GPATCH2L: variants seen among roughly 807,000 people sequenced by gnomAD.
GPATCH2L encodes the protein G-patch domain containing 2 like, also known as G patch domain-containing protein 2-like.
GPATCH2L carries 31 observed loss-of-function variants against 57.4 expected under a neutral mutation model. That is an observed-to-expected ratio of 0.54 (90% confidence interval 0.41 to 0.73). GPATCH2L has a LOEUF of 0.73. Ranked by LOEUF, GPATCH2L falls within the 30% of genes least tolerant of loss-of-function variation. The pLI, the probability that GPATCH2L is intolerant of heterozygous loss-of-function variation, is 0.00. For missense variants in GPATCH2L, 481 were observed against 599.9 expected, an observed-to-expected ratio of 0.80 and a Z score of 2.07; for synonymous variants, 199 against 210.7, an observed-to-expected ratio of 0.94 and a Z score of 0.48.
intron 8 of GPATCH2L, among the ~76,000 whole-genome samples, chr14:76,193,307 G>C (rs965540961): frequency 1.3e-5 from 2 of 151,754 alleles, no homozygotes; most frequent in African/African-American, 4.8e-5. Flanking sequence ...TGATAATATG[G>C]GCCTTTTCCC....
rs1404750895 is a variant in GPATCH2L, at chr14:76,207,637, G to C, written c.*5786G>C. 1 of 152,114 alleles carries C rather than the reference G, an allele frequency of 6.6e-6. No individual in the cohort carries two copies. Among genetic ancestry groups the C allele is most frequent in the African/African-American group, 2.4e-5 (1 of 41,420 alleles). 9.4% of individuals were successfully genotyped at this position (152,114 alleles called of 1,614,324 possible). On this transcript the variant is annotated 3_prime_UTR_variant, in exon 10 of 10. Transcript: ENST00000261530. ...TAGGACTGAATCTCAGTACTTCAGA[G>C]CATGTAAAAATCAATTTTCTGTGAT...
downstream of GPATCH2L, among the ~76,000 whole-genome samples, chr14:76,214,839 C>T (rs961908855): frequency 6.6e-6 from 1 of 152,064 alleles, no homozygotes; most frequent in African/African-American, 2.4e-5. Context: ...ATAATCTAAG[C>T]CCTAAAACCA....
intron 9 of GPATCH2L, among the ~76,000 whole-genome samples, chr14:76,197,163 C>G (rs2040179205): frequency 6.6e-6 from 1 of 152,094 alleles, no homozygotes; most frequent in Non-Finnish European, 1.5e-5. Flanking sequence ...GACCGGTTTC[C>G]TTGTGACTCT....
chr14:76,204,438 C>T lies in GPATCH2L; in HGVS notation c.*2587C>T, dbSNP rs10873287. On this transcript the variant is annotated 3_prime_UTR_variant, in exon 10 of 10. Coordinates refer to ENST00000261530, the MANE Select transcript of GPATCH2L (RefSeq NM_017926.4). ...GTGCTCCTCATTTTAAGGTGCTGTA[C>T]GTGCATGTTTAAGGAATTATTAATC... 59,804 of 152,028 alleles carry T rather than the reference C, an allele frequency of 0.39. 14,117 individuals carry two copies. Among genetic ancestry groups the T allele is most frequent in the South Asian group, 0.56 (2,682 of 4,824 alleles). 9.4% of individuals were successfully genotyped at this position (152,028 alleles called of 1,614,324 possible).
At chr14:76,173,047 A>T (rs1047885137) in intron 4 of GPATCH2L, among the ~76,000 whole-genome samples, 1 of 152,228 alleles carries the variant, frequency 6.6e-6, no homozygotes, top group African/African-American at 2.4e-5. Flanking sequence ...CTCATTAATA[A>T]CATTTTGGTG....
At chr14:76,199,864 A>G (rs906446123) in intron 9 of GPATCH2L, among the ~76,000 whole-genome samples, 1 of 152,220 alleles carries the variant, frequency 6.6e-6, no homozygotes, top group African/African-American at 2.4e-5. Flanking sequence ...AGATTTTTGC[A>G]TACCTTTGTT....
chr14:76,195,085 A>G (rs1044790154), intron 8 of GPATCH2L, among the ~76,000 whole-genome samples: 7 of 152,180 alleles, frequency 4.6e-5, no homozygotes, highest in Non-Finnish European at 7.3e-5. Flanking sequence ...CTTTGTGTAA[A>G]GGTGAGACTC....
chr14:76,197,638 C>CG (rs2040195907), intron 9 of GPATCH2L, among the ~76,000 whole-genome samples: 2 of 152,244 alleles, frequency 1.3e-5, no homozygotes, highest in South Asian at 4.1e-4. Context: ...TGCCTAACAT[C>CG]GGGCCATCTC....
At chr14:76,233,488 A>C (rs2139887514) in intron 2 of GPATCH2L, among the ~76,000 whole-genome samples, 1 of 152,348 alleles carries the variant, frequency 6.6e-6, no homozygotes, top group African/African-American at 2.4e-5. Context: ...AAAAGTTGAT[A>C]GAACGGTTTG....
chr14:76,235,188 A>G (rs1217388838), intron 2 of GPATCH2L, among the ~76,000 whole-genome samples: 1 of 152,060 alleles, frequency 6.6e-6, no homozygotes, highest in East Asian at 1.9e-4. Flanking sequence ...AAAAAAAGAA[A>G]AAAAGAAAAT....
intron 9 of GPATCH2L, among the ~76,000 whole-genome samples, chr14:76,198,039 A>G (rs867557677): frequency 1.4e-4 from 22 of 152,334 alleles, no homozygotes; most frequent in African/African-American, 4.3e-4. Flanking sequence ...AAGAAACAGC[A>G]TGTCTTCCTT....
intron 1 of GPATCH2L, among the ~76,000 whole-genome samples, chr14:76,221,379 C>T (rs926505432): frequency 1.3e-5 from 2 of 152,142 alleles, no homozygotes; most frequent in African/African-American, 4.8e-5. Context: ...AACAGGAACG[C>T]TAATGGGAAT....
chr14:76,231,396 T>C (rs2040560914), intron 2 of GPATCH2L, among the ~76,000 whole-genome samples: 1 of 152,198 alleles, frequency 6.6e-6, no homozygotes, highest in South Asian at 2.1e-4. Flanking sequence ...CTTTGTTTCT[T>C]CTTCCCATCC....
intron 2 of GPATCH2L, among the ~76,000 whole-genome samples, chr14:76,158,453 T>G (rs935358461): frequency 3.3e-5 from 5 of 152,232 alleles, no homozygotes; most frequent in African/African-American, 9.6e-5. Context: ...TCCCCCAAAC[T>G]CTTTAATTAT....
intron 8 of GPATCH2L, among the ~76,000 whole-genome samples, chr14:76,190,026 A>G (rs1032336149): frequency 3.3e-5 from 5 of 152,128 alleles, no homozygotes; most frequent in African/African-American, 1.2e-4. Flanking sequence ...GAGTGACTCT[A>G]AAGATCTTTG....
chr14:76,202,958 G>T lies in GPATCH2L; in HGVS notation c.*1107G>T. The T allele has an allele frequency of 6.6e-6, 1 of 152,292 alleles. No individual in the cohort carries two copies. 9.4% of individuals were successfully genotyped at this position (152,292 alleles called of 1,614,324 possible). A position where few individuals can be genotyped will look rare whatever the true frequency, so the allele number is the denominator to read the frequency against. On this transcript the variant is annotated 3_prime_UTR_variant, in exon 10 of 10. Coordinates refer to ENST00000261530, the MANE Select transcript of GPATCH2L (RefSeq NM_017926.4). Reference sequence around the variant, plus strand: ...TCAGGAGTGTCTGTCATTCATTCAGGGGCCTAGCTGACAGAAGGGCTCTTT... The same window carrying T: ...TCAGGAGTGTCTGTCATTCATTCAGTGGCCTAGCTGACAGAAGGGCTCTTT...
At chr14:76,178,260 G>A in intron 7 of GPATCH2L, 1 of 1,486,896 alleles carries the variant, frequency 6.7e-7, no homozygotes, top group Non-Finnish European at 9.0e-7. Context: ...ATATGGTTTA[G>A]TTCAACATCA....
At chr14:76,184,719 A>G (rs919177481) in intron 8 of GPATCH2L, among the ~76,000 whole-genome samples, 1 of 152,106 alleles carries the variant, frequency 6.6e-6, no homozygotes, top group African/African-American at 2.4e-5. Context: ...AGCACTCTGG[A>G]AATAGTTAAC....
intron 2 of GPATCH2L, among the ~76,000 whole-genome samples, chr14:76,161,899 G>A (rs904246376): frequency 2.6e-5 from 4 of 152,144 alleles, no homozygotes; most frequent in Non-Finnish European, 5.9e-5. Flanking sequence ...AGCCAGGCGT[G>A]GTAGCACAGG....
Sources: allele counts gnomAD v4.1 joint callset (sites outside exome capture counted in the v4.1 genomes callset), GRCh38; gene constraint gnomAD v4.1.1; transcripts MANE v1.5; gene names NCBI Gene and HGNC (gene_info 2026-07-23, HGNC 2026-07-21).